Variants in NKAIN2 observed in about 807,000 individuals in gnomAD.
The protein encoded by NKAIN2 is sodium/potassium transporting ATPase interacting 2.
Under a neutral mutation model 32.6 loss-of-function variants are expected in NKAIN2, and 14 were observed. The ratio of observed to expected loss-of-function variants is 0.43; its 90% CI spans 0.28 to 0.67. The LOEUF (loss-of-function observed/expected upper bound fraction) is 0.67. Among genes scored for constraint, NKAIN2 ranks in the 30% least tolerant of loss-of-function variants. The probability of loss-of-function intolerance (pLI) is 0.17; values close to 1 mark genes in which losing one functional copy is unlikely to be tolerated. For missense variants in NKAIN2, 198 were observed against 258.3 expected, an observed-to-expected ratio of 0.77 and a Z score of 1.60; for synonymous variants, 80 against 87.2, an observed-to-expected ratio of 0.92 and a Z score of 0.46.
chr6:124,628,988 G>A (rs754297179), intron 3 of NKAIN2, among the ~76,000 whole-genome samples: 1 of 152,160 alleles, frequency 6.6e-6, no homozygotes, highest in Non-Finnish European at 1.5e-5. Context: ...GGGAAAGTGT[G>A]AATGAGCTGA....
intron 3 of NKAIN2, among the ~76,000 whole-genome samples, chr6:124,605,883 G>A (rs550808550): frequency 1.3e-5 from 2 of 151,932 alleles, no homozygotes; most frequent in Non-Finnish European, 2.9e-5. Flanking sequence ...GGGAGCAGGG[G>A]GACAGTCTTT....
intron 1 of NKAIN2, among the ~76,000 whole-genome samples, chr6:123,812,640 C>T (rs984092198): frequency 2.0e-5 from 3 of 152,154 alleles, no homozygotes; most frequent in Admixed American, 6.5e-5. Flanking sequence ...GAAGCACTTT[C>T]GTTTTAAGGC....
At chr6:124,277,026 G>A (rs1795067011) in intron 1 of NKAIN2, among the ~76,000 whole-genome samples, 1 of 152,154 alleles carries the variant, frequency 6.6e-6, no homozygotes, top group African/African-American at 2.4e-5. Flanking sequence ...GAGAAGTTGG[G>A]CACAGGGGAA....
intron 1 of NKAIN2, among the ~76,000 whole-genome samples, chr6:124,171,707 C>A (rs1206986545): frequency 2.6e-5 from 4 of 151,842 alleles, no homozygotes; most frequent in Non-Finnish European, 5.9e-5. Flanking sequence ...CATGCTGCCA[C>A]GCCCGGCTAA....
chr6:123,817,593 T>C (rs1407119200), intron 1 of NKAIN2, among the ~76,000 whole-genome samples: 1 of 152,190 alleles, frequency 6.6e-6, no homozygotes, highest in Non-Finnish European at 1.5e-5. Context: ...CAGAATCATC[T>C]GGAATTTTCA....
At chr6:124,016,626 A>C (rs1780586184) in intron 1 of NKAIN2, among the ~76,000 whole-genome samples, 5 of 152,184 alleles carry the variant, frequency 3.3e-5, no homozygotes, top group Admixed American at 3.3e-4. Flanking sequence ...CACATAAATT[A>C]GCCACCCCAA....
At chr6:124,048,144 C>G (rs1782229844) in intron 1 of NKAIN2, among the ~76,000 whole-genome samples, 1 of 151,980 alleles carries the variant, frequency 6.6e-6, no homozygotes, top group South Asian at 2.1e-4. Flanking sequence ...CCTGCTGAGC[C>G]CTTGCACACT....
chr6:124,591,610 T>C (rs1283888021), intron 3 of NKAIN2, among the ~76,000 whole-genome samples: 1 of 152,160 alleles, frequency 6.6e-6, no homozygotes, highest in African/African-American at 2.4e-5. Context: ...TCAAAGCAAT[T>C]TGAAAGGGTT....
chr6:124,743,428 C>A (rs1053058105), intron 4 of NKAIN2, among the ~76,000 whole-genome samples: 1 of 141,850 alleles, frequency 7.0e-6, no homozygotes, highest in Non-Finnish European at 1.6e-5. Context: ...ATTAATAAAT[C>A]GATCATTATT....
chr6:124,029,469 C>T (rs1005056517), intron 1 of NKAIN2, among the ~76,000 whole-genome samples: 4 of 151,164 alleles, frequency 2.6e-5, no homozygotes, highest in Non-Finnish European at 5.9e-5. Flanking sequence ...CCCAGTTCTT[C>T]TCTATACTTT....
At chr6:124,707,193 G>A (rs917464099) in intron 4 of NKAIN2, among the ~76,000 whole-genome samples, 3 of 152,054 alleles carry the variant, frequency 2.0e-5, no homozygotes, top group African/African-American at 7.2e-5. Context: ...TGGCTGCATA[G>A]TATTCCATGG....
chr6:124,448,936 CCTT>C (rs1434303699), intron 3 of NKAIN2, among the ~76,000 whole-genome samples: 1 of 152,092 alleles, frequency 6.6e-6, no homozygotes, highest in East Asian at 1.9e-4. Flanking sequence ...CAAGCCTTCT[CCTT>C]CTATGTACGA....
chr6:124,241,248 C>T (rs1793078340), intron 1 of NKAIN2, among the ~76,000 whole-genome samples: 1 of 152,074 alleles, frequency 6.6e-6, no homozygotes, highest in Non-Finnish European at 1.5e-5. Flanking sequence ...AGAGAGGATA[C>T]AAACAAATGG....
chr6:124,208,835 T>G (rs920087615), intron 1 of NKAIN2, among the ~76,000 whole-genome samples: 1 of 151,714 alleles, frequency 6.6e-6, no homozygotes, highest in South Asian at 2.1e-4. Flanking sequence ...TTAATTATTA[T>G]GGATGCATAA....
chr6:124,809,036 T>C (rs1582562109), intron 5 of NKAIN2, among the ~76,000 whole-genome samples: 1 of 152,192 alleles, frequency 6.6e-6, no homozygotes, highest in Non-Finnish European at 1.5e-5. Flanking sequence ...AGAATCAATA[T>C]GGTGAAAATG....
At chr6:124,023,316 A>G (rs1031550388) in intron 1 of NKAIN2, among the ~76,000 whole-genome samples, 2 of 151,646 alleles carry the variant, frequency 1.3e-5, no homozygotes, top group Non-Finnish European at 2.9e-5. Context: ...TGATTCCTTG[A>G]TTTCCTTCCT....
At position 124,638,147 on chromosome 6, in the gene NKAIN2, G is replaced by A. The variant is rs997122365; in HGVS notation, c.274-20039G>A. The stretch of plus-strand genomic sequence containing the variant: ...GACAGATTTTTGCCAAAGGTTCCAA[G>A]AACATACATTGGAGAAAGAATCGGC... On this transcript the variant is annotated intron_variant, in intron 3 of 6. Coordinates refer to ENST00000368417, the MANE Select transcript of NKAIN2 (RefSeq NM_001040214.3). Among the ~76,000 whole-genome samples, 4 of 152,210 alleles carry A rather than the reference G, an allele frequency of 2.6e-5. No homozygotes were observed. The South Asian group carries it at 8.3e-4, about 32-fold the overall frequency.
chr6:124,734,425 A>C (rs143497766), intron 4 of NKAIN2, among the ~76,000 whole-genome samples: 8 of 151,266 alleles, frequency 5.3e-5, no homozygotes, highest in Non-Finnish European at 1.0e-4. Flanking sequence ...AGTTCTCACC[A>C]TGTTTCTCCT....
chr6:124,652,152 C>T (rs1784390211), intron 3 of NKAIN2, among the ~76,000 whole-genome samples: 1 of 152,214 alleles, frequency 6.6e-6, no homozygotes, highest in Non-Finnish European at 1.5e-5. Flanking sequence ...ATTCCATCTT[C>T]CATAAAGCCC....
Sources: allele counts gnomAD v4.1 joint callset (sites outside exome capture counted in the v4.1 genomes callset), GRCh38; gene constraint gnomAD v4.1.1; transcripts MANE v1.5; gene names NCBI Gene and HGNC (gene_info 2026-07-23, HGNC 2026-07-21).